The following IGF1R variants were observed in gnomAD, a reference collection of about 807,000 sequenced individuals.
IGF1R encodes the protein insulin like growth factor 1 receptor, also known as insulin-like growth factor 1 receptor.
IGF1R carries 44 observed loss-of-function variants against 144.6 expected under a neutral mutation model. That is an observed-to-expected ratio of 0.30 (90% confidence interval 0.24 to 0.39). The LOEUF is 0.39. IGF1R is among the 10% of genes least tolerant of loss of function. The pLI is 1.00. For missense variants in IGF1R, 1,355 were observed against 1,833.7 expected (o/e 0.74, Z 4.77); for synonymous variants, 795 against 722.8 (o/e 1.10, Z -1.60).
At chr15:98,741,368 G>A (rs1413746192) in intron 2 of IGF1R, among the ~76,000 whole-genome samples, 1 of 151,130 alleles carries the variant, frequency 6.6e-6, no homozygotes, top group Non-Finnish European at 1.5e-5. Flanking sequence ...TTTAGGGTTA[G>A]GTAAGATACT....
In IGF1R at chr15:98,648,976, G is replaced by C. The variant is rs1396227364; in HGVS notation, c.-606G>C. On this transcript the variant is annotated 5_prime_UTR_variant, in exon 1 of 21. Coordinates refer to ENST00000650285, the MANE Select transcript of IGF1R (RefSeq NM_000875.5). The stretch of plus-strand genomic sequence containing the variant: ...TTTGTGTGTGTCCTGGATTTGGGAA[G>C]GAGCTCGCCGCGGCGGCGGCGGCGC... The C allele has an allele frequency of 2.4e-5, 5 of 209,802 alleles. No individual in the cohort carries two copies. Among genetic ancestry groups the C allele is most frequent in the Non-Finnish European group, 4.8e-5 (5 of 103,924 alleles). 13.0% of individuals were successfully genotyped at this position (209,802 alleles called of 1,614,324 possible).
chr15:98,883,266 T>C (rs893477020), intron 2 of IGF1R, among the ~76,000 whole-genome samples: 1 of 152,230 alleles, frequency 6.6e-6, no homozygotes, highest in East Asian at 1.9e-4. Context: ...GGAAGTTGTT[T>C]TAAACTCTTC....
At chr15:98,792,538 G>T (rs2056150242) in intron 2 of IGF1R, among the ~76,000 whole-genome samples, 1 of 152,034 alleles carries the variant, frequency 6.6e-6, no homozygotes, top group South Asian at 2.1e-4. Context: ...TATCTTCAAA[G>T]GATAAATTAT....
At chr15:98,921,485 G>A (rs2015484410) in intron 10 of IGF1R, among the ~76,000 whole-genome samples, 2 of 152,180 alleles carry the variant, frequency 1.3e-5, no homozygotes, top group Admixed American at 1.3e-4. Flanking sequence ...GGCCACAGGT[G>A]CTCACTGCTG....
At chr15:98,848,725 T>C (rs774943498) in intron 2 of IGF1R, among the ~76,000 whole-genome samples, 82 of 152,142 alleles carry the variant, frequency 5.4e-4, no homozygotes, top group Non-Finnish European at 9.6e-4. Flanking sequence ...ACCCTTTGAT[T>C]CCCCCCCATC....
intron 1 of IGF1R, among the ~76,000 whole-genome samples, chr15:98,690,650 G>A (rs1265750928): frequency 1.3e-5 from 2 of 152,156 alleles, no homozygotes; most frequent in African/African-American, 2.4e-5. Flanking sequence ...ATGGAAATTA[G>A]AACAATACAC....
chr15:98,864,803 G>A (rs1480890171), intron 2 of IGF1R, among the ~76,000 whole-genome samples: 1 of 152,200 alleles, frequency 6.6e-6, no homozygotes, highest in Non-Finnish European at 1.5e-5. Flanking sequence ...TACTCCTCAA[G>A]TGTAACATTT....
At chr15:98,872,923 G>A (rs2012862622) in intron 2 of IGF1R, among the ~76,000 whole-genome samples, 1 of 151,894 alleles carries the variant, frequency 6.6e-6, no homozygotes, top group Admixed American at 6.6e-5. Context: ...AATGGGCGTA[G>A]GCTGTTTCTA....
intron 2 of IGF1R, among the ~76,000 whole-genome samples, chr15:98,845,190 T>C (rs926235807): frequency 6.6e-6 from 1 of 152,182 alleles, no homozygotes; most frequent in Admixed American, 6.5e-5. Flanking sequence ...CTTTATTCAA[T>C]GTATGTTGTT....
intron 2 of IGF1R, among the ~76,000 whole-genome samples, chr15:98,885,963 C>T (rs754785110): frequency 6.6e-5 from 10 of 151,960 alleles, no homozygotes; most frequent in Admixed American, 1.3e-4. Context: ...ATCACAGGCA[C>T]GTGCCACCAC....
At chr15:98,852,719 C>T (rs977164813) in intron 2 of IGF1R, among the ~76,000 whole-genome samples, 1 of 152,162 alleles carries the variant, frequency 6.6e-6, no homozygotes, top group African/African-American at 2.4e-5. Context: ...CTCCCTCCGC[C>T]TCCCGCCGTC....
chr15:98,924,057 T>A lies in IGF1R; in HGVS notation c.2622+45T>A. 2.5e-6 allele frequency: 4 copies of A among 1,582,918 alleles called. No homozygotes were observed. The East Asian group carries it at 8.9e-5, about 35-fold the overall frequency. ...CCGTGCCTGCATGTACTTCCATCCA[T>A]TGACAGCATATGCTACCTGACTGCA... On this transcript the variant is annotated intron_variant, in intron 12 of 20. Transcript: ENST00000650285.
intron 2 of IGF1R, among the ~76,000 whole-genome samples, chr15:98,845,452 T>TCCTTCCTTCTCCTGCCCC: frequency 1.2e-5 from 1 of 80,926 alleles, no homozygotes; most frequent in Non-Finnish European, 2.3e-5. Flanking sequence ...CCTCCTCCCC[T>TCCTTCCTTCTCCTGCCCC]CCTTCCTTCT....
chr15:98,659,640 C>T (rs147274074), intron 1 of IGF1R, among the ~76,000 whole-genome samples: 1 of 152,282 alleles, frequency 6.6e-6, no homozygotes, highest in East Asian at 1.9e-4. Context: ...GTGATGCAGA[C>T]AGGCGCACTG....
chr15:98,680,287 G>C (rs961399106), intron 1 of IGF1R, among the ~76,000 whole-genome samples: 10 of 149,238 alleles, frequency 6.7e-5, no homozygotes, highest in African/African-American at 2.5e-4. Context: ...TTTTTTTTGA[G>C]ACAGAGTCTC....
intron 5 of IGF1R, among the ~76,000 whole-genome samples, chr15:98,905,571 G>C (rs2014692446): frequency 6.6e-6 from 1 of 151,884 alleles, no homozygotes; most frequent in African/African-American, 2.4e-5. Context: ...GGCTGAGGTA[G>C]GAGGGTAGCT....
intron 10 of IGF1R, among the ~76,000 whole-genome samples, chr15:98,921,256 T>G (rs533207031): frequency 1.3e-5 from 2 of 152,304 alleles, no homozygotes; most frequent in East Asian, 3.9e-4. Flanking sequence ...ACATTAGAAT[T>G]CTGTTTTAAG....
chr15:98,698,114 C>T (rs2053638957), intron 1 of IGF1R, among the ~76,000 whole-genome samples: 1 of 150,634 alleles, frequency 6.6e-6, no homozygotes, highest in African/African-American at 2.5e-5. Context: ...TCTTGGCTCA[C>T]TGCAACCTCT....
chr15:98,759,238 G>T (rs1157621739), intron 2 of IGF1R, among the ~76,000 whole-genome samples: 2 of 152,182 alleles, frequency 1.3e-5, no homozygotes, highest in African/African-American at 4.8e-5. Context: ...AAATTTGAGG[G>T]TATTGCCATC....
Sources: allele counts gnomAD v4.1 joint callset (sites outside exome capture counted in the v4.1 genomes callset), GRCh38; gene constraint gnomAD v4.1.1; transcripts MANE v1.5; gene names NCBI Gene and HGNC (gene_info 2026-07-23, HGNC 2026-07-21).